Variants in CPT2 observed in about 807,000 individuals in gnomAD.
CPT2 encodes the protein carnitine O-palmitoyltransferase 2, mitochondrial.
In CPT2, 37 loss-of-function variants were observed where a neutral mutation model predicts 48.6. The observed-to-expected ratio is 0.76, with a 90% CI of 0.59 to 1.00. The LOEUF (loss-of-function observed/expected upper bound fraction) is 1.00. CPT2 is among the 50% of genes least tolerant of loss of function. The pLI, the probability that CPT2 is intolerant of heterozygous loss-of-function variation, is 0.00. For synonymous variants in CPT2, 319 were observed against 326.9 expected, an observed-to-expected ratio of 0.98 and a Z score of 0.26; for missense variants, 772 against 825.6, an observed-to-expected ratio of 0.94 and a Z score of 0.80.
intron 3 of CPT2, chr1:53,203,534 A>G (rs1387435058): frequency 6.6e-6 from 1 of 152,200 alleles, no homozygotes; most frequent in Non-Finnish European, 1.5e-5. Flanking sequence ...ACTCTTCCCA[A>G]GCTGTCTGAA....
intron 3 of CPT2, chr1:53,208,087 G>A (rs1377135160): frequency 6.6e-6 from 1 of 152,170 alleles, no homozygotes. Context: ...TTTGCTAAAG[G>A]GGGGTCAGAG....
intron 3 of CPT2, among the ~76,000 whole-genome samples, chr1:53,205,833 A>C (rs1372174344): frequency 1.3e-5 from 2 of 152,186 alleles, no homozygotes; most frequent in African/African-American, 4.8e-5. Context: ...CAAGCATTGG[A>C]GGCTTCCCCA....
chr1:53,211,423 G>A (rs1373461175), intron 4 of CPT2, 104 bp downstream of exon 4: 3 of 1,245,134 alleles, frequency 2.4e-6, no homozygotes, highest in Non-Finnish European at 3.4e-6. Context: ...CGTTCACTAG[G>A]TTTAATCCAT....
rs1182726121 is a variant in CPT2, at chr1:53,210,102, C to CT, written c.429dup (p.Glu144Ter). 6.2e-7 allele frequency: 1 copy of CT among 1,614,172 alleles called. No homozygotes were observed. Among genetic ancestry groups the CT allele is most frequent in the Non-Finnish European group, 8.5e-7 (1 of 1,180,038 alleles). On this transcript the variant is annotated frameshift_variant, in exon 4 of 5. Coordinates refer to ENST00000371486, the MANE Select transcript of CPT2 (RefSeq NM_000098.3). LOFTEE classifies it high-confidence loss of function. ...ATGGCTTTCAATCCTGACCCAAAAT[C>CT]TGAGTATAATGACCAGCTCACCCGG...
chr1:53,200,873 C>A, intron 2 of CPT2, 74 bp downstream of exon 2: 1 of 1,182,782 alleles, frequency 8.5e-7, no homozygotes, highest in Non-Finnish European at 1.3e-6. Context: ...GTGGACCAAG[C>A]TTCAGGGAAT....
rs1321659664 is a variant in CPT2, at chr1:53,210,710, G to T, written c.1036G>T (p.Asp346Tyr). Residue 346 changes from aspartate (D) to tyrosine (Y), a missense_variant, in exon 4 of 5, where the codon GAT (aspartate) becomes TAT (tyrosine). Physicochemically the swap from Asp to Tyr is radical, Grantham distance 160 (BLOSUM62 -3). Transcript: ENST00000371486. ...CTTGTCCCACAATATGCTGCATGGG[G>T]ATGGCACAAACCGCTGGTTTGATAA... ...VHLSHNMLHGDGTNRWFDKSF... is the reference protein window; with the variant it reads ...VHLSHNMLHGYGTNRWFDKSF... 6.2e-7 allele frequency: 1 copy of T among 1,614,208 alleles called. No individual in the cohort carries two copies. Among genetic ancestry groups the T allele is most frequent in the Middle Eastern group, 1.6e-4 (1 of 6,062 alleles).
Position 53,210,027 on chromosome 1 carries a change from A to G in CPT2, c.353A>G (p.Asp118Gly), listed in dbSNP as rs148035648. 768 of 1,613,310 alleles carry G rather than the reference A, an allele frequency of 4.8e-4. 6 individuals are homozygous for G. In the Admixed American group the frequency reaches 0.012, roughly 26 times the overall value. The change falls in exon 4 of 5, where the codon GAT (aspartate) becomes GGT (glycine). Residue 118 changes from aspartate to glycine, a missense_variant. Coordinates refer to ENST00000371486, the MANE Select transcript of CPT2 (RefSeq NM_000098.3). ...TTTTATTTTTTAGGACCCTGGTTTG[A>G]TATGTACCTATCTGCTCGAGACTCC... ...HTSYISGPWF[D>G]MYLSARDSVV...
intron 4 of CPT2, 141 bp downstream of exon 4, chr1:53,211,460 T>C (rs1361206297): frequency 2.4e-6 from 2 of 834,190 alleles, no homozygotes; most frequent in African/African-American, 3.4e-5. Flanking sequence ...TTTTCTTTTC[T>C]ACCCTAGCAG....
At position 53,196,926 on chromosome 1, in the gene CPT2, C is replaced by T. The variant is rs1399931765; in HGVS notation, c.-18C>T. On this transcript the variant is annotated 5_prime_UTR_variant, in exon 1 of 5. Coordinates refer to ENST00000371486, the MANE Select transcript of CPT2 (RefSeq NM_000098.3). ...CTCCCCACTTGCCGCGTTCTCGCCG[C>T]CGCAGGCTCCCGGGACGATGGTGCC... 3.2e-6 allele frequency: 5 copies of T among 1,542,124 alleles called. No individual in the cohort carries two copies. In the East Asian group the frequency reaches 7.5e-5, roughly 23 times the overall value.
intron 3 of CPT2, among the ~76,000 whole-genome samples, chr1:53,206,100 G>A (rs188916473): frequency 4.1e-4 from 62 of 150,900 alleles, no homozygotes; most frequent in Non-Finnish European, 6.9e-4. Flanking sequence ...GGAGAATAGC[G>A]TGAACCCAGG....
intron 2 of CPT2, 72 bp from the exon 3 acceptor site, chr1:53,202,249 AGT>A (rs1645358032): frequency 3.3e-6 from 4 of 1,195,056 alleles, no homozygotes; most frequent in Non-Finnish European, 5.0e-6. Context: ...CTCTATTATG[AGT>A]TCCTCGCCAT....
intron 3 of CPT2, among the ~76,000 whole-genome samples, chr1:53,206,598 G>A (rs7539949): frequency 0.44 from 67,460 of 152,130 alleles, 16,206 homozygotes; most frequent in Non-Finnish European, 0.54. Flanking sequence ...GATTATTTTG[G>A]AGCTTTAAGA....
chr1:53,212,842 C>A, intron 4 of CPT2: 1 of 444,240 alleles, frequency 2.3e-6, no homozygotes, highest in Non-Finnish European at 4.0e-6. Context: ...GAGATTCGAA[C>A]CCTGGTCAAA....
chr1:53,200,634 TCTAGTAATCAGTTCATTAG>T (rs1490928438), intron 1 of CPT2, 66 bp from the exon 2 acceptor site: 1 of 1,017,968 alleles, frequency 9.8e-7, no homozygotes, highest in African/African-American at 1.6e-5. Context: ...AAATTAATGA[TCTAGTAATCAGTTCATTAG>T]CTTGTAAAGC....
At chr1:53,207,558 T>A (rs545338151) in intron 3 of CPT2, 6 of 152,300 alleles carry the variant, frequency 3.9e-5, no homozygotes, top group African/African-American at 1.4e-4. Flanking sequence ...GCCTCCTGGG[T>A]TCAAGTGATT....
chr1:53,205,776 A>T (rs775000016), intron 3 of CPT2, among the ~76,000 whole-genome samples: 3 of 152,218 alleles, frequency 2.0e-5, no homozygotes, highest in Non-Finnish European at 4.4e-5. Flanking sequence ...CATGGCTAAA[A>T]GGGGCCAAGG....
Position 53,213,247 on chromosome 1 carries a change from C to T in CPT2, c.1646-17C>T. 6.2e-7 allele frequency: 1 copy of T among 1,613,676 alleles called. No individual in the cohort carries two copies. The highest frequency in any genetic ancestry group is 8.5e-7 in the Non-Finnish European group (1 of 1,179,960). ...TTTCCATCCTGAGACTCTGGTTTTCCATTTTGTTTCTCACAGGCCAGGGCT... is the reference window on the plus strand; with the variant it reads ...TTTCCATCCTGAGACTCTGGTTTTCTATTTTGTTTCTCACAGGCCAGGGCT... On this transcript the variant is annotated splice_polypyrimidine_tract_variant and intron_variant, in intron 4 of 4. Coordinates refer to ENST00000371486, the MANE Select transcript of CPT2 (RefSeq NM_000098.3).
chr1:53,200,498 T>C (rs915860656), intron 1 of CPT2: 3 of 484,122 alleles, frequency 6.2e-6, no homozygotes. Context: ...TAATTATATT[T>C]GTATTTTACT....
In CPT2 at chr1:53,211,449, T is replaced by G. The variant is rs1336292024; in HGVS notation, c.1645+130T>G. On this transcript the variant is annotated intron_variant, in intron 4 of 4. Coordinates refer to ENST00000371486, the MANE Select transcript of CPT2 (RefSeq NM_000098.3). Reference sequence around the variant, plus strand: ...TTTAATCCATCGCCAACTCCCCAAATTTTTCTTTTCTACCCTAGCAGTCTG... The same window carrying G: ...TTTAATCCATCGCCAACTCCCCAAAGTTTTCTTTTCTACCCTAGCAGTCTG... The G allele has an allele frequency of 3.0e-6, 3 of 992,192 alleles. No homozygotes were observed. The East Asian group carries it at 7.9e-5, about 26-fold the overall frequency. The allele number at this position is 992,192 out of a possible 1,614,324, so 61.5% of individuals were successfully genotyped here.
Sources: allele counts gnomAD v4.1 joint callset (sites outside exome capture counted in the v4.1 genomes callset), GRCh38; gene constraint gnomAD v4.1.1; transcripts MANE v1.5; gene names NCBI Gene and HGNC (gene_info 2026-07-23, HGNC 2026-07-21).